Variants in TENM3 observed in about 807,000 individuals in gnomAD.
TENM3 encodes teneurin-3.
TENM3 carries 63 observed loss-of-function variants against 255.1 expected under a neutral mutation model. The ratio of observed to expected loss-of-function variants is 0.25; its 90% CI spans 0.20 to 0.30. TENM3 has a LOEUF of 0.30. Among genes scored for constraint, TENM3 ranks in the 10% least tolerant of loss-of-function variants. TENM3 has a pLI of 1.00. For synonymous variants in TENM3, 1,306 were observed against 1,322.3 expected, an observed-to-expected ratio of 0.99 and a Z score of 0.27; for missense variants, 2,929 against 3,461.1, an observed-to-expected ratio of 0.85 and a Z score of 3.86.
At chr4:182,786,265 C>T (rs1765646309) in intron 24 of TENM3, among the ~76,000 whole-genome samples, 2 of 151,986 alleles carry the variant, frequency 1.3e-5, no homozygotes, top group African/African-American at 4.8e-5. Flanking sequence ...AGGTGCAAAT[C>T]GGAAGCCAGG....
At chr4:181,532,851 T>C in the TENM3 span, among the ~76,000 whole-genome samples, 6 of 152,224 alleles carry the variant, frequency 3.9e-5, 1 homozygote, top group Non-Finnish European at 7.3e-5. Flanking sequence ...GAATAACATT[T>C]ATTTTCAGCA....
the TENM3 span, among the ~76,000 whole-genome samples, chr4:181,801,480 G>T: frequency 6.6e-6 from 1 of 151,910 alleles, no homozygotes; most frequent in Non-Finnish European, 1.5e-5. Flanking sequence ...TGAACCCGAG[G>T]AGGGTGGAGG....
At chr4:182,556,996 C>T (rs1331095240) in intron 3 of TENM3, among the ~76,000 whole-genome samples, 2 of 152,162 alleles carry the variant, frequency 1.3e-5, no homozygotes, top group Admixed American at 6.5e-5. Flanking sequence ...TTTTTAAAAT[C>T]ATACATCTAA....
chr4:182,135,204 CAAAAAAAA>C, the TENM3 span, among the ~76,000 whole-genome samples: 7 of 81,568 alleles, frequency 8.6e-5, no homozygotes, highest in African/African-American at 1.1e-4. Flanking sequence ...GACTCGGTCT[CAAAAAAAA>C]AAAAAAAAAA....
the TENM3 span, among the ~76,000 whole-genome samples, chr4:181,634,023 A>G: frequency 0.01 from 1,536 of 152,250 alleles, 29 homozygotes; most frequent in African/African-American, 0.035. Context: ...TGTGACTTCC[A>G]TCTTCAGTTC....
chr4:182,609,824 G>T (rs1484719214), intron 4 of TENM3, among the ~76,000 whole-genome samples: 1 of 151,602 alleles, frequency 6.6e-6, no homozygotes, highest in Non-Finnish European at 1.5e-5. Context: ...CTTTATAAGG[G>T]TTCCTTAAGA....
chr4:182,261,062 G>A (rs1758755159), intron 1 of TENM3, among the ~76,000 whole-genome samples: 2 of 151,878 alleles, frequency 1.3e-5, no homozygotes, highest in South Asian at 4.2e-4. Flanking sequence ...TTTTAATAGA[G>A]ACGGGGTTTC....
chr4:182,666,762 G>A lies in TENM3; in HGVS notation c.1112-6243G>A, dbSNP rs1009200344. ...AAATACCAAAAAATTAGCCAGACTC[G>A]GTGGTGTGCACCTGTAGTCCCAGGC... On this transcript the variant is annotated intron_variant, in intron 6 of 27. Coordinates refer to ENST00000511685, the MANE Select transcript of TENM3 (RefSeq NM_001080477.4). 3.5e-4 allele frequency among the ~76,000 whole-genome samples: 53 copies of A among 151,924 alleles called. 1 individual carries two copies. Among genetic ancestry groups the A allele is most frequent in the African/African-American group, 1.0e-3 (43 of 41,344 alleles).
At chr4:182,769,918 A>G (rs1282390158) in intron 22 of TENM3, among the ~76,000 whole-genome samples, 1 of 151,988 alleles carries the variant, frequency 6.6e-6, no homozygotes, top group Non-Finnish European at 1.5e-5. Flanking sequence ...CAGCCTGACC[A>G]ATATGGTGAA....
chr4:182,002,067 T>C, the TENM3 span, among the ~76,000 whole-genome samples: 3 of 152,252 alleles, frequency 2.0e-5, no homozygotes, highest in Non-Finnish European at 4.4e-5. Context: ...GGTTTTCGAC[T>C]TATTGAGGAG....
intron 6 of TENM3, among the ~76,000 whole-genome samples, chr4:182,661,288 C>T (rs528466396): frequency 2.0e-5 from 3 of 149,404 alleles, no homozygotes; most frequent in South Asian, 2.1e-4. Flanking sequence ...GTAAGCTCCA[C>T]CACCTGGGTT....
chr4:181,689,736 C>T, the TENM3 span, among the ~76,000 whole-genome samples: 11 of 152,060 alleles, frequency 7.2e-5, no homozygotes, highest in Admixed American at 3.3e-4. Flanking sequence ...ACTCAATTAT[C>T]GATAAGCAGT....
the TENM3 span, among the ~76,000 whole-genome samples, chr4:182,052,723 T>G: frequency 6.6e-6 from 1 of 152,046 alleles, no homozygotes; most frequent in Non-Finnish European, 1.5e-5. Flanking sequence ...TCACAGCAGA[T>G]GGGAAATGGG....
intron 3 of TENM3, among the ~76,000 whole-genome samples, chr4:182,578,563 A>T (rs1346289807): frequency 6.7e-6 from 1 of 149,084 alleles, no homozygotes; most frequent in Non-Finnish European, 1.5e-5. Flanking sequence ...TCACATTCTT[A>T]AGAAAATAGT....
At chr4:181,470,443 G>C in the TENM3 span, among the ~76,000 whole-genome samples, 1 of 152,084 alleles carries the variant, frequency 6.6e-6, no homozygotes, top group African/African-American at 2.4e-5. Context: ...TTCTGTCACT[G>C]TGGCACAAAA....
At chr4:182,299,912 CTT>C (rs796408014) in intron 1 of TENM3, among the ~76,000 whole-genome samples, 7 of 143,138 alleles carry the variant, frequency 4.9e-5, no homozygotes, top group Admixed American at 1.4e-4. Context: ...TCAAGTAGAT[CTT>C]TTTTTTTTTT....
At chr4:182,663,304 T>G (rs1048619984) in intron 6 of TENM3, among the ~76,000 whole-genome samples, 5 of 152,180 alleles carry the variant, frequency 3.3e-5, no homozygotes, top group African/African-American at 1.2e-4. Context: ...TTAAATTTAT[T>G]TATTTTTTGA....
At chr4:181,919,334 T>C in the TENM3 span, among the ~76,000 whole-genome samples, 3 of 150,688 alleles carry the variant, frequency 2.0e-5, no homozygotes, top group African/African-American at 7.4e-5. Flanking sequence ...GAGTGAGCTA[T>C]ACAACCATCA....
chr4:182,161,734 CACAAATATATGTGTATATATAT>C (rs1579554082), intron 1 of TENM3, among the ~76,000 whole-genome samples: 1 of 72,044 alleles, frequency 1.4e-5, no homozygotes, highest in African/African-American at 7.0e-5. Context: ...TATATATATA[CACAAATATATGTGTATATATAT>C]ACATATATAT....
Sources: gnomAD v4.1 joint callset for allele counts (sites outside exome capture counted in the v4.1 genomes callset) on GRCh38, gnomAD v4.1.1 for gene constraint, MANE v1.5 for transcripts, NCBI Gene and HGNC (gene_info 2026-07-23, HGNC 2026-07-21) for gene names.